The following NDUFB3 variants were observed in gnomAD, a reference collection of about 807,000 sequenced individuals.
NDUFB3 encodes NADH:ubiquinone oxidoreductase subunit B3, also known as NADH dehydrogenase [ubiquinone] 1 beta subcomplex subunit 3.
Under a neutral mutation model 9.0 loss-of-function variants are expected in NDUFB3, and 7 were observed. The observed-to-expected ratio is 0.78, with a 90% CI of 0.44 to 1.46. The LOEUF is 1.46. Among genes scored for constraint, NDUFB3 ranks in the 40% most tolerant of loss-of-function variants. The probability of loss-of-function intolerance (pLI) is 0.01; values close to 1 mark genes in which losing one functional copy is unlikely to be tolerated. For synonymous variants in NDUFB3, 29 were observed against 38.5 expected (o/e 0.75, Z 0.91); for missense variants, 93 against 115.4 (o/e 0.81, Z 0.89).
At chr2:201,073,908 G>T (rs151216943) in intron 1 of NDUFB3, among the ~76,000 whole-genome samples, 1 of 152,098 alleles carries the variant, frequency 6.6e-6, no homozygotes, top group African/African-American at 2.4e-5. Context: ...TGATAAAGTA[G>T]ATTCATATAT....
intron 2 of NDUFB3, 23 bp from the exon 3 acceptor site, chr2:201,085,436 A>AT: frequency 3.8e-6 from 6 of 1,567,804 alleles, no homozygotes; most frequent in East Asian, 2.2e-5. Context: ...TATGATTATA[A>AT]TTTTTTCTTT....
In NDUFB3 at chr2:201,085,420, G is replaced by A. The variant is rs747112111; in HGVS notation, c.141-39G>A. The A allele has an allele frequency of 2.7e-5, 40 of 1,496,838 alleles. 1 individual carries two copies. The highest frequency in any genetic ancestry group is 3.8e-5 in the South Asian group (3 of 78,966). 92.7% of individuals were successfully genotyped at this position (1,496,838 alleles called of 1,614,324 possible). Reference sequence around the variant, plus strand: ...ATGTCTTCAACGTATATACACACACGTTGTGTATGATTATAATTTTTTCTT... The same window carrying A: ...ATGTCTTCAACGTATATACACACACATTGTGTATGATTATAATTTTTTCTT... On this transcript the variant is annotated intron_variant, in intron 2 of 2. Coordinates refer to ENST00000237889, the MANE Select transcript of NDUFB3 (RefSeq NM_002491.3).
intron 1 of NDUFB3, among the ~76,000 whole-genome samples, chr2:201,074,911 A>C (rs564167485): frequency 6.6e-6 from 1 of 152,368 alleles, no homozygotes; most frequent in Admixed American, 6.5e-5. Context: ...TTATATGAAG[A>C]AACTGAAGTT....
chr2:201,072,926 G>A (rs1195847509), intron 1 of NDUFB3, among the ~76,000 whole-genome samples: 1 of 152,224 alleles, frequency 6.6e-6, no homozygotes, highest in Non-Finnish European at 1.5e-5. Flanking sequence ...TGGTGGGGCC[G>A]GGGTCGGAAT....
At chr2:201,083,493 TACA>T (rs1380534530) in intron 2 of NDUFB3, among the ~76,000 whole-genome samples, 1 of 152,060 alleles carries the variant, frequency 6.6e-6, no homozygotes, top group Non-Finnish European at 1.5e-5. Flanking sequence ...TAGCTGGGAT[TACA>T]GGCATGTGCC....
chr2:201,072,307 A>G (rs547643986), intron 1 of NDUFB3: 4 of 152,322 alleles, frequency 2.6e-5, no homozygotes, highest in African/African-American at 9.6e-5. Flanking sequence ...GCCACACGCA[A>G]AATTGTCTTT....
At chr2:201,081,531 T>C (rs920885532) in intron 2 of NDUFB3, among the ~76,000 whole-genome samples, 1 of 151,956 alleles carries the variant, frequency 6.6e-6, no homozygotes, top group African/African-American at 2.4e-5. Context: ...CAATATTAAG[T>C]CTTCTAGTCA....
chr2:201,083,537 A>G (rs1390234791), intron 2 of NDUFB3, among the ~76,000 whole-genome samples: 2 of 151,604 alleles, frequency 1.3e-5, no homozygotes, highest in East Asian at 1.9e-4. Flanking sequence ...TTTTTTTAGT[A>G]GAGACTAAAA....
chr2:201,083,806 A>C (rs1222444312), intron 2 of NDUFB3, among the ~76,000 whole-genome samples: 2 of 152,198 alleles, frequency 1.3e-5, no homozygotes, highest in Non-Finnish European at 2.9e-5. Context: ...ACCCTACTTC[A>C]TTATGATGTA....
intron 1 of NDUFB3, among the ~76,000 whole-genome samples, chr2:201,078,194 C>A (rs1203867175): frequency 6.6e-6 from 1 of 152,098 alleles, no homozygotes; most frequent in Non-Finnish European, 1.5e-5. Context: ...CCCAGCTACT[C>A]GCCAGGCTGA....
chr2:201,078,126 C>T (rs1340032765), intron 1 of NDUFB3, among the ~76,000 whole-genome samples: 1 of 152,006 alleles, frequency 6.6e-6, no homozygotes, highest in Admixed American at 6.6e-5. Context: ...CATGGTGAAA[C>T]CCCGTCTCCA....
chr2:201,072,085 C>G (rs895104309), intron 1 of NDUFB3, 26 bp downstream of exon 1: 1 of 151,984 alleles, frequency 6.6e-6, no homozygotes, highest in Non-Finnish European at 1.5e-5. Context: ...GGTGGGAGGC[C>G]CGTTGATTAG....
At chr2:201,085,190 G>T in intron 2 of NDUFB3, among the ~76,000 whole-genome samples, 1 of 152,324 alleles carries the variant, frequency 6.6e-6, no homozygotes, top group South Asian at 2.1e-4. Flanking sequence ...ATAAGCTGAC[G>T]TGAGTCTTGC....
At chr2:201,080,353 G>C (rs932243273) in intron 2 of NDUFB3, among the ~76,000 whole-genome samples, 1 of 152,148 alleles carries the variant, frequency 6.6e-6, no homozygotes. Flanking sequence ...CGGATCGCTT[G>C]AGCCCAGGAT....
rs572389013 is a variant in NDUFB3 at position 201,085,621 on chromosome 2, A to G, written c.*6A>G. Reference sequence around the variant, plus strand: ...AAGATAAGAAGCATCACTGAAGATAATACCTGGAAGCATCATAGTGGTTTC... The same window carrying G: ...AAGATAAGAAGCATCACTGAAGATAGTACCTGGAAGCATCATAGTGGTTTC... On this transcript the variant is annotated 3_prime_UTR_variant, in exon 3 of 3. Coordinates refer to ENST00000237889, the MANE Select transcript of NDUFB3 (RefSeq NM_002491.3). The G allele has an allele frequency of 1.9e-6, 3 of 1,607,216 alleles. No individual in the cohort carries two copies. The highest frequency in any genetic ancestry group is 2.7e-5 in the African/African-American group (2 of 74,612).
At chr2:201,077,640 A>G (rs960929395) in intron 1 of NDUFB3, among the ~76,000 whole-genome samples, 2 of 152,226 alleles carry the variant, frequency 1.3e-5, no homozygotes, top group African/African-American at 2.4e-5. Flanking sequence ...GCTCCAGTTA[A>G]GTAGAATGTT....
At chr2:201,076,910 G>C (rs562525759) in intron 1 of NDUFB3, among the ~76,000 whole-genome samples, 1 of 152,124 alleles carries the variant, frequency 6.6e-6, no homozygotes, top group Admixed American at 6.6e-5. Context: ...AGACCAGCCT[G>C]ACCAACATGG....
chr2:201,083,516 G>A (rs191074106), intron 2 of NDUFB3, among the ~76,000 whole-genome samples: 4 of 151,838 alleles, frequency 2.6e-5, no homozygotes, highest in Non-Finnish European at 4.4e-5. Flanking sequence ...CACCACACCC[G>A]GCTAATTTTG....
intron 2 of NDUFB3, among the ~76,000 whole-genome samples, chr2:201,081,397 C>T (rs1282687578): frequency 6.6e-6 from 1 of 151,800 alleles, no homozygotes; most frequent in Non-Finnish European, 1.5e-5. Flanking sequence ...ACAGGAGAAT[C>T]ACTTGAACCC....
Sources: gnomAD v4.1 joint callset for allele counts (sites outside exome capture counted in the v4.1 genomes callset) on GRCh38, gnomAD v4.1.1 for gene constraint, MANE v1.5 for transcripts, NCBI Gene and HGNC (gene_info 2026-07-23, HGNC 2026-07-21) for gene names.